Variants in TBL3 observed in about 807,000 individuals in gnomAD.
TBL3 encodes transducin beta-like protein 3.
A neutral mutation model predicts 102.7 loss-of-function variants in TBL3; 71 were observed. The observed-to-expected ratio is 0.69, with a 90% CI of 0.57 to 0.84. The LOEUF is 0.84. TBL3 is among the 40% of genes least tolerant of loss of function. TBL3 has a pLI of 0.00. For missense variants in TBL3, 1,188 were observed against 1,098.5 expected (o/e 1.08, Z -1.15); for synonymous variants, 578 against 477.7 (o/e 1.21, Z -2.74).
Position 1,977,667 on chromosome 16 carries a change from G to C in TBL3, c.1896G>C (p.Trp632Cys). The C allele has an allele frequency of 6.4e-7, 1 of 1,551,826 alleles. No homozygotes were observed. Among genetic ancestry groups the C allele is most frequent in the Non-Finnish European group, 8.7e-7 (1 of 1,147,186 alleles). ...CCAGTGACTCCCGAGTCATCCTCTGGAAGGTTGTGGGCCCCAAGGGCAGGG... is the reference window on the plus strand; with the variant it reads ...CCAGTGACTCCCGAGTCATCCTCTGCAAGGTTGTGGGCCCCAAGGGCAGGG... ...TGASDSRVIL[W>C]KDVTEAEQAE... is the part of the protein sequence containing the mutation. The change falls in exon 17 of 22, where the codon TGG becomes TGC. Residue 632 changes from tryptophan (W) to cysteine (C), a missense_variant. Physicochemically the swap from Trp to Cys is radical, Grantham distance 215 (BLOSUM62 -2). Transcript: ENST00000568546.
Position 1,978,355 on chromosome 16 carries a change from G to A in TBL3, c.2177G>A (p.Arg726Gln), listed in dbSNP as rs141128447. The A allele has an allele frequency of 1.8e-4, 291 of 1,611,418 alleles. No homozygotes were observed. Among genetic ancestry groups the A allele is most frequent in the African/African-American group, 1.7e-3 (131 of 75,034 alleles). The change falls in exon 21 of 22, where the codon CGG becomes CAG. Residue 726 changes from arginine (R) to glutamine (Q), a missense_variant. Coordinates refer to ENST00000568546, the MANE Select transcript of TBL3 (RefSeq NM_006453.3). ...TGCGTCACGTGGAACACCAACTCGCGGCACTGCCACGAGGCCCAGGCCGTG... is the reference window on the plus strand; with the variant it reads ...TGCGTCACGTGGAACACCAACTCGCAGCACTGCCACGAGGCCCAGGCCGTG... ...RFCVTWNTNS[R>Q]HCHEAQAVLG...
chr16:1,979,332 C>G lies in TBL3; in HGVS notation c.*647C>G, dbSNP rs1208825330. ...CCGCAGCAGCACCGCGGGGAGTAGG[C>G]CCGCCCGGTCGCCGTACCTGCGAGG... On this transcript the variant is annotated 3_prime_UTR_variant, in exon 22 of 22. Transcript: ENST00000568546. 1 of 1,574,408 alleles carries G rather than the reference C, an allele frequency of 6.4e-7. No individual in the cohort carries two copies. Among genetic ancestry groups the G allele is most frequent in the Non-Finnish European group, 8.6e-7 (1 of 1,167,572 alleles).
rs763353313 is a variant in TBL3, at chr16:1,975,731, A to G, written c.987+21A>G. On this transcript the variant is annotated intron_variant, in intron 10 of 21. Coordinates refer to ENST00000568546, the MANE Select transcript of TBL3 (RefSeq NM_006453.3). ...AACAGGTGCACACCTGCCCTTGCTC[A>G]GTCTGGAGGCTGCGGGCACCAGCCC... The G allele has an allele frequency of 4.2e-5, 68 of 1,612,332 alleles. 2 individuals are homozygous for G. The South Asian group carries it at 7.5e-4, about 18-fold the overall frequency.
In TBL3 at chr16:1,976,319, T is replaced by C; in HGVS notation, c.1292+5T>C. On this transcript the variant is annotated splice_donor_5th_base_variant and intron_variant, in intron 13 of 21. Coordinates refer to ENST00000568546, the MANE Select transcript of TBL3 (RefSeq NM_006453.3). ...GGGCACCGTCTGCTGCTCTAGGTAG[T>C]GAGTCGGGGCTGGGCCCAGGGGTGT... The C allele has an allele frequency of 6.2e-7, 1 of 1,611,314 alleles. No homozygotes were observed. Among genetic ancestry groups the C allele is most frequent in the South Asian group, 1.1e-5 (1 of 90,780 alleles).
intron 1 of TBL3, among the ~76,000 whole-genome samples, chr16:1,972,959 G>C (rs544114103): frequency 1.3e-5 from 2 of 152,232 alleles, no homozygotes; most frequent in South Asian, 4.2e-4. Context: ...TAGGAAACCC[G>C]TCCCAGAGGC....
At chr16:1,977,710 G>A in intron 17 of TBL3, 32 bp from the exon 18 acceptor site, 1 of 1,551,934 alleles carries the variant, frequency 6.4e-7, no homozygotes, top group Non-Finnish European at 8.7e-7. Context: ...GGGGTGGAGT[G>A]GAGGCCCCAT....
At chr16:1,976,434 G>A (rs986225453) in intron 13 of TBL3, 120 bp downstream of exon 13, 4 of 851,350 alleles carry the variant, frequency 4.7e-6, no homozygotes, top group African/African-American at 1.7e-5. Context: ...TGAGGCTCCA[G>A]CCCAAAGATG....
In TBL3 at chr16:1,977,679, C is replaced by A. The variant is rs200046827; in HGVS notation, c.1899+9C>A. On this transcript the variant is annotated intron_variant, in intron 17 of 21. Coordinates refer to ENST00000568546, the MANE Select transcript of TBL3 (RefSeq NM_006453.3). ...GAGTCATCCTCTGGAAGGTTGTGGG[C>A]CCCAAGGGCAGGGAAGAGTCGGGGT... The A allele has an allele frequency of 2.8e-4, 436 of 1,551,776 alleles. No homozygotes were observed. Among genetic ancestry groups the A allele is most frequent in the Middle Eastern group, 8.3e-4 (5 of 5,992 alleles).
Position 1,978,930 on chromosome 16 carries a change from G to T in TBL3, c.*245G>T. ...AGACGGTGGGGGTCATGCAGAACAAGCTTTACTCAGAGGAACAGCAAATGG... is the reference window on the plus strand; with the variant it reads ...AGACGGTGGGGGTCATGCAGAACAATCTTTACTCAGAGGAACAGCAAATGG... On this transcript the variant is annotated 3_prime_UTR_variant, in exon 22 of 22. Coordinates refer to ENST00000568546, the MANE Select transcript of TBL3 (RefSeq NM_006453.3). The T allele has an allele frequency of 8.7e-7, 1 of 1,154,686 alleles. No homozygotes were observed. Among genetic ancestry groups the T allele is most frequent in the Non-Finnish European group, 1.2e-6 (1 of 825,994 alleles). The allele number at this position is 1,154,686 out of a possible 1,614,324, so 71.5% of individuals were successfully genotyped here.
Position 1,981,224 on chromosome 16 carries a change from C to G in TBL3, c.*2539C>G. The G allele has an allele frequency of 6.2e-7, 1 of 1,611,660 alleles. No individual in the cohort carries two copies. On this transcript the variant is annotated 3_prime_UTR_variant, in exon 22 of 22. Transcript: ENST00000568546. ...CAGATTCCTGAAATGGGCGAGGACC[C>G]TTCTGCCTCCCCGTGCTTGAGAGGG... is the stretch of plus-strand genomic sequence containing the variant.
chr16:1,976,696 C>A, intron 13 of TBL3, 118 bp from the exon 14 acceptor site: 1 of 1,284,870 alleles, frequency 7.8e-7, no homozygotes, highest in Non-Finnish European at 1.1e-6. Context: ...GGCCAACCCG[C>A]ATCCTGGGAC....
Position 1,977,561 on chromosome 16 carries a change from G to A in TBL3, c.1790G>A (p.Cys597Tyr), listed in dbSNP as rs769526862. 3 of 1,592,920 alleles carry A rather than the reference G, an allele frequency of 1.9e-6. No homozygotes were observed. Among genetic ancestry groups the A allele is most frequent in the Non-Finnish European group, 2.6e-6 (3 of 1,169,058 alleles). The change falls in exon 17 of 22, where the codon TGT (cysteine) becomes TAT (tyrosine). Residue 597 changes from cysteine (C) to tyrosine (Y), a missense_variant. Coordinates refer to ENST00000568546, the MANE Select transcript of TBL3 (RefSeq NM_006453.3). ...VKLWTIKNNE[C>Y]VRTLDAHEDK... ...CTCTGGACCATCAAGAACAACGAGT[G>A]TGTGCGGACGCTGGATGCCCACGAG...
At position 1,979,906 on chromosome 16, in the gene TBL3, G is replaced by A; in HGVS notation, c.*1221G>A. ...TTCGTTCTCCACCAGCCACCAGCCT[G>A]TGCGCAAGAAGCGGGCAGGGACTCA... On this transcript the variant is annotated 3_prime_UTR_variant, in exon 22 of 22. Coordinates refer to ENST00000568546, the MANE Select transcript of TBL3 (RefSeq NM_006453.3). 6.3e-7 allele frequency: 1 copy of A among 1,581,886 alleles called. No individual in the cohort carries two copies. Among genetic ancestry groups the A allele is most frequent in the Non-Finnish European group, 8.6e-7 (1 of 1,164,638 alleles).
chr16:1,974,613 A>G lies in TBL3; in HGVS notation c.313A>G (p.Lys105Glu). ...WQEGSVTRLW[K>E]AIHTAPVATM... is the part of the protein sequence containing the mutation. ...AGAGGGCAGCGTTACCCGCCTGTGG[A>G]AGGCGATACACACGGCCCCCGTGGC... The change falls in exon 5 of 22, where the codon AAG (lysine) becomes GAG (glutamate). Residue 105 changes from lysine (K) to glutamate (E), a missense_variant. Physicochemically the swap from Lys to Glu is moderately conservative, Grantham distance 56. Coordinates refer to ENST00000568546, the MANE Select transcript of TBL3 (RefSeq NM_006453.3). 6.2e-7 allele frequency: 1 copy of G among 1,611,408 alleles called. No individual in the cohort carries two copies. Among genetic ancestry groups the G allele is most frequent in the Non-Finnish European group, 8.5e-7 (1 of 1,178,468 alleles).
chr16:1,978,591 C>CT lies in TBL3; in HGVS notation c.2333_2334insT (p.Ala779ArgfsTer26). The CT allele has an allele frequency of 6.2e-7, 1 of 1,612,832 alleles. No individual in the cohort carries two copies. Among genetic ancestry groups the CT allele is most frequent in the Non-Finnish European group, 8.5e-7 (1 of 1,179,862 alleles). On this transcript the variant is annotated frameshift_variant, in exon 22 of 22. Coordinates refer to ENST00000568546, the MANE Select transcript of TBL3 (RefSeq NM_006453.3). LOFTEE classifies it low-confidence loss of function (END_TRUNC). ...CGGCTCAGCAGGACCCTCCAGGCCG[C>CT]CGCTTTCTTGGACTTCCTGTGGCAC...
In TBL3 at chr16:1,980,165, T is replaced by G. The variant is rs1223129317; in HGVS notation, c.*1480T>G. On this transcript the variant is annotated 3_prime_UTR_variant, in exon 22 of 22. Transcript: ENST00000568546. ...CGAGAAAGAGGCTGCTCCTCTGGGGTGGGCAGGATCACCCGGCTGGGAAGG... is the reference window on the plus strand; with the variant it reads ...CGAGAAAGAGGCTGCTCCTCTGGGGGGGGCAGGATCACCCGGCTGGGAAGG... The G allele has an allele frequency of 1.2e-6, 2 of 1,600,422 alleles. No individual in the cohort carries two copies. Among genetic ancestry groups the G allele is most frequent in the Non-Finnish European group, 1.7e-6 (2 of 1,176,324 alleles).
Position 1,978,006 on chromosome 16 carries a change from G to C in TBL3, c.2007G>C (p.Ala669=), listed in dbSNP as rs144580351. The C allele has an allele frequency of 6.8e-6, 11 of 1,607,070 alleles. No homozygotes were observed. The highest frequency in any genetic ancestry group is 8.5e-6 in the Non-Finnish European group (10 of 1,176,654). Residue 669 remains alanine (A), a synonymous_variant, in exon 19 of 22, where the codon GCG becomes GCC. Transcript: ENST00000568546. Reference sequence around the variant, plus strand: ...TGCATGAGAAGCGGTACCTGCGGGCGCTGGGCCTGGCCATCTCCCTGGATC... The same window carrying C: ...TGCATGAGAAGCGGTACCTGCGGGCCCTGGGCCTGGCCATCTCCCTGGATC... ...NLLHEKRYLR[A]LGLAISLDRP...
At position 1,972,073 on chromosome 16, in the gene TBL3, C is replaced by T. The variant is rs28396225; in HGVS notation, c.-92C>T. ...CCATCGCAGCGCGCCGGGAGTGTGGCGTTCTGTGAAGAGTTCGGTGCTAAC... is the reference window on the plus strand; with the variant it reads ...CCATCGCAGCGCGCCGGGAGTGTGGTGTTCTGTGAAGAGTTCGGTGCTAAC... On this transcript the variant is annotated 5_prime_UTR_variant, in exon 1 of 22. Coordinates refer to ENST00000568546, the MANE Select transcript of TBL3 (RefSeq NM_006453.3). The T allele has an allele frequency of 0.079, 104,188 of 1,325,222 alleles. 4,628 individuals carry two copies. Among genetic ancestry groups the T allele is most frequent in the African/African-American group, 0.12 (7,935 of 64,886 alleles). 82.1% of individuals were successfully genotyped at this position (1,325,222 alleles called of 1,614,324 possible). A position where few individuals can be genotyped will look rare whatever the true frequency, so the allele number is the denominator to read the frequency against.
rs1251483184 is a variant in TBL3 at position 1,980,898 on chromosome 16, A to T, written c.*2213A>T. 6.4e-7 allele frequency: 1 copy of T among 1,570,078 alleles called. No homozygotes were observed. The highest frequency in any genetic ancestry group is 8.7e-7 in the Non-Finnish European group (1 of 1,144,116). On this transcript the variant is annotated 3_prime_UTR_variant, in exon 22 of 22. Coordinates refer to ENST00000568546, the MANE Select transcript of TBL3 (RefSeq NM_006453.3). ...TCCAGTGGGAGGCAGCCGCGTGGGG[A>T]AGCCGCCACCGCGGCATCAGGGTGG...
Sources: gnomAD v4.1 joint callset for allele counts (sites outside exome capture counted in the v4.1 genomes callset) on GRCh38, gnomAD v4.1.1 for gene constraint, MANE v1.5 for transcripts, NCBI Gene and HGNC (gene_info 2026-07-23, HGNC 2026-07-21) for gene names.